SPAG17: variants seen among roughly 807,000 people sequenced by gnomAD.
SPAG17 encodes sperm-associated antigen 17.
SPAG17 carries 169 observed loss-of-function variants against 273.6 expected under a neutral mutation model. That is an observed-to-expected ratio of 0.62 (90% CI 0.55 to 0.70). SPAG17 has a LOEUF of 0.70. SPAG17 is among the 30% of genes least tolerant of loss of function. SPAG17 has a pLI of 0.00. For synonymous variants in SPAG17, 825 were observed against 873.2 expected (o/e 0.94, Z 0.97); for missense variants, 2,557 against 2,627.8 (o/e 0.97, Z 0.59).
intron 7 of SPAG17, among the ~76,000 whole-genome samples, chr1:118,095,228 T>C (rs1655630860): frequency 6.6e-6 from 1 of 152,182 alleles, no homozygotes; most frequent in Non-Finnish European, 1.5e-5. Context: ...GTGCTAGAAA[T>C]GGTGCTCGGT....
intron 30 of SPAG17, among the ~76,000 whole-genome samples, chr1:118,008,969 C>T (rs796255693): frequency 1.9e-4 from 29 of 152,148 alleles, no homozygotes; most frequent in African/African-American, 6.7e-4. Flanking sequence ...CAATATTATA[C>T]TCAATGCTGC....
At chr1:118,048,657 G>A (rs1189879837) in intron 20 of SPAG17, among the ~76,000 whole-genome samples, 1 of 152,134 alleles carries the variant, frequency 6.6e-6, no homozygotes, top group Non-Finnish European at 1.5e-5. Context: ...CAGCACTTTG[G>A]GAGGCCAAGG....
At chr1:118,031,962 G>T in intron 24 of SPAG17, 95 bp from the exon 25 acceptor site, 1 of 999,302 alleles carries the variant, frequency 1.0e-6, no homozygotes, top group Non-Finnish European at 1.5e-6. Flanking sequence ...TACACAAGTT[G>T]ACAACAATTT....
At chr1:118,033,523 C>T (rs1481276885) in intron 24 of SPAG17, among the ~76,000 whole-genome samples, 1 of 152,152 alleles carries the variant, frequency 6.6e-6, no homozygotes, top group Admixed American at 6.5e-5. Context: ...TCTTCTGCAG[C>T]GTTTTGCTAA....
chr1:118,117,256 G>T (rs1254625555), intron 3 of SPAG17, among the ~76,000 whole-genome samples: 1 of 152,128 alleles, frequency 6.6e-6, no homozygotes, highest in Non-Finnish European at 1.5e-5. Flanking sequence ...ACCCCAGAGT[G>T]GTTGTGGAGT....
chr1:118,057,814 TG>T (rs1043321623), intron 18 of SPAG17, among the ~76,000 whole-genome samples: 1 of 151,612 alleles, frequency 6.6e-6, no homozygotes, highest in African/African-American at 2.4e-5. Context: ...AGGGATTTGT[TG>T]GGGGTAAATG....
At chr1:118,123,538 G>A (rs984699318) in intron 3 of SPAG17, among the ~76,000 whole-genome samples, 3 of 152,178 alleles carry the variant, frequency 2.0e-5, no homozygotes, top group Non-Finnish European at 2.9e-5. Context: ...TAACGCAAAT[G>A]GAACGTTATG....
chr1:118,005,444 C>T lies in SPAG17; in HGVS notation c.4746G>A (p.Glu1582=). ...AAGTGTTTCCCTCAGGATCCAGAACCTCACAGATAACCTCTGAAGTATGCC... is the reference window on the plus strand; with the variant it reads ...AAGTGTTTCCCTCAGGATCCAGAACTTCACAGATAACCTCTGAAGTATGCC... ...IMRHTSEVIC[E]VLDPEGNTFQ... is the part of the protein sequence containing the mutation. Residue 1582 remains glutamate (E), a synonymous_variant, in exon 32 of 49, where the codon GAG becomes GAA. Coordinates refer to ENST00000336338, the MANE Select transcript of SPAG17 (RefSeq NM_206996.4). 1.2e-6 allele frequency: 2 copies of T among 1,610,572 alleles called. No homozygotes were observed. Among genetic ancestry groups the T allele is most frequent in the Non-Finnish European group, 1.7e-6 (2 of 1,178,670 alleles).
At chr1:118,159,686 T>C (rs1006404399) in intron 1 of SPAG17, among the ~76,000 whole-genome samples, 3 of 152,194 alleles carry the variant, frequency 2.0e-5, no homozygotes, top group African/African-American at 7.2e-5. Context: ...GCTTAGGCTG[T>C]TTGATTGTTT....
intron 1 of SPAG17, among the ~76,000 whole-genome samples, chr1:118,171,675 A>T (rs924802987): frequency 6.6e-6 from 1 of 152,194 alleles, no homozygotes; most frequent in Admixed American, 6.5e-5. Context: ...AAGTTTAAGT[A>T]TTAATAGAAA....
At chr1:118,036,451 A>G (rs774412716) in intron 24 of SPAG17, among the ~76,000 whole-genome samples, 3 of 152,144 alleles carry the variant, frequency 2.0e-5, no homozygotes, top group Non-Finnish European at 4.4e-5. Flanking sequence ...GTGTATATAC[A>G]TGTATACATA....
In SPAG17 at chr1:118,025,223, A is replaced by C; in HGVS notation, c.3909+15T>G. 1 of 1,611,918 alleles carries C rather than the reference A, an allele frequency of 6.2e-7. No homozygotes were observed. The highest frequency in any genetic ancestry group is 8.5e-7 in the Non-Finnish European group (1 of 1,178,590). On this transcript the variant is annotated intron_variant, in intron 27 of 48. Coordinates refer to ENST00000336338, the MANE Select transcript of SPAG17 (RefSeq NM_206996.4). ...TGGAACAGGGAAGAATAATTTCTCT[A>C]ACACATTCTTTTACCTGTGTGGATC...
At chr1:118,150,104 C>T (rs1366621702) in intron 3 of SPAG17, among the ~76,000 whole-genome samples, 1 of 152,172 alleles carries the variant, frequency 6.6e-6, no homozygotes, top group Non-Finnish European at 1.5e-5. Flanking sequence ...ATCACTGCAG[C>T]TGTACCTCTG....
chr1:118,052,864 T>C (rs1390869355), intron 20 of SPAG17, among the ~76,000 whole-genome samples: 1 of 151,942 alleles, frequency 6.6e-6, no homozygotes, highest in Non-Finnish European at 1.5e-5. Flanking sequence ...CATGAACATA[T>C]AGTACTGTAA....
At chr1:118,138,956 C>G (rs1658512882) in intron 3 of SPAG17, among the ~76,000 whole-genome samples, 1 of 152,158 alleles carries the variant, frequency 6.6e-6, no homozygotes, top group African/African-American at 2.4e-5. Context: ...ACTATACTTT[C>G]AGACTTCCCC....
chr1:118,093,050 T>C (rs1655487181), intron 8 of SPAG17, 106 bp downstream of exon 8: 2 of 1,229,874 alleles, frequency 1.6e-6, no homozygotes, highest in African/African-American at 3.0e-5. Context: ...AGTATGACCT[T>C]AATGTAAGTA....
intron 24 of SPAG17, 155 bp downstream of exon 24, chr1:118,036,615 C>T (rs141076688): frequency 1.2e-4 from 70 of 596,570 alleles, no homozygotes; most frequent in African/African-American, 1.1e-3. Flanking sequence ...CACACACACA[C>T]ACACACACAC....
In SPAG17 at chr1:118,104,715, C is replaced by A. The variant is rs963320298; in HGVS notation, c.448-2789G>T. On this transcript the variant is annotated intron_variant, in intron 4 of 48. Transcript: ENST00000336338. The stretch of plus-strand genomic sequence containing the variant: ...TAGAGAACTAAGAAACCAAAAAGGT[C>A]AAAAAGACAAGAATTGGCAGTTGTA... Among the ~76,000 whole-genome samples the A allele has an allele frequency of 5.9e-5, 9 of 152,174 alleles. 1 individual carries two copies. Among genetic ancestry groups the A allele is most frequent in the Admixed American group, 3.9e-4 (6 of 15,278 alleles).
At chr1:118,062,142 C>A (rs1038238464) in intron 18 of SPAG17, among the ~76,000 whole-genome samples, 16 of 151,768 alleles carry the variant, frequency 1.1e-4, no homozygotes, top group Admixed American at 3.3e-4. Context: ...CCGAGGCGGG[C>A]GGATCACGAG....
Sources: gnomAD v4.1 joint callset for allele counts (sites outside exome capture counted in the v4.1 genomes callset) on GRCh38, gnomAD v4.1.1 for gene constraint, MANE v1.5 for transcripts, NCBI Gene and HGNC (gene_info 2026-07-23, HGNC 2026-07-21) for gene names.